BTBD7: variants seen among roughly 807,000 people sequenced by gnomAD.
BTBD7 encodes BTB domain containing 7.
BTBD7 carries 38 observed loss-of-function variants against 99.9 expected under a neutral mutation model. That is an observed-to-expected ratio of 0.38 (90% CI 0.29 to 0.50). BTBD7 has a LOEUF of 0.50. Among genes scored for constraint, BTBD7 ranks in the 20% least tolerant of loss-of-function variants. The probability of loss-of-function intolerance (pLI) is 0.93; values close to 1 mark genes in which losing one functional copy is unlikely to be tolerated. For synonymous variants in BTBD7, 520 were observed against 511.4 expected (o/e 1.02, Z -0.23); for missense variants, 1,170 against 1,394.6 (o/e 0.84, Z 2.57).
At chr14:93,325,010 T>C (rs963737643) in intron 1 of BTBD7, among the ~76,000 whole-genome samples, 2 of 151,786 alleles carry the variant, frequency 1.3e-5, no homozygotes, top group African/African-American at 2.4e-5. Flanking sequence ...ACAGGAGACC[T>C]AAGGTTGAAC....
intron 1 of BTBD7, among the ~76,000 whole-genome samples, chr14:93,314,063 T>C (rs1797838459): frequency 6.6e-6 from 1 of 152,166 alleles, no homozygotes; most frequent in Admixed American, 6.5e-5. Flanking sequence ...ATATTCTTAG[T>C]GTTCTTGTAG....
intron 3 of BTBD7, among the ~76,000 whole-genome samples, chr14:93,266,850 C>A: frequency 6.6e-6 from 1 of 152,166 alleles, no homozygotes; most frequent in South Asian, 2.1e-4. Flanking sequence ...ACATTTATAT[C>A]CACATATAGA....
chr14:93,255,615 C>A lies in BTBD7; in HGVS notation c.1608+1580G>T, dbSNP rs1428177819. 2.6e-5 allele frequency: 4 copies of A among 151,230 alleles called. No individual in the cohort carries two copies. In the East Asian group the frequency reaches 7.8e-4, roughly 29 times the overall value. 9.4% of individuals were successfully genotyped at this position (151,230 alleles called of 1,614,324 possible). On this transcript the variant is annotated intron_variant, in intron 6 of 10. Transcript: ENST00000334746. ...GGTTCAAGCAATTCTTGTGCCTCAG[C>A]CTCTCGAGCAGCTGGGATTAACGGC...
In BTBD7 at chr14:93,293,874, A is replaced by G. The variant is rs1180377425; in HGVS notation, c.1146T>C (p.Phe382=). 6.2e-7 allele frequency: 1 copy of G among 1,607,394 alleles called. No individual in the cohort carries two copies. The highest frequency in any genetic ancestry group is 1.3e-5 in the African/African-American group (1 of 74,550). ...ELYHIALFLE[F]NMLAQGCEDI... The stretch of plus-strand genomic sequence containing the variant: ...ACTTCATACCTTGTGCAAGCATGTT[A>G]AATTCCAAGAACAGTGCTATGTGGT... Residue 382 remains phenylalanine (F), a synonymous_variant, in exon 3 of 11, where the codon TTT becomes TTC. Transcript: ENST00000334746.
chr14:93,245,533 C>A (rs1302289214), intron 10 of BTBD7, among the ~76,000 whole-genome samples: 2 of 152,194 alleles, frequency 1.3e-5, no homozygotes, highest in African/African-American at 4.8e-5. Context: ...CTGGTATATT[C>A]CTTTATGTTG....
At chr14:93,313,633 G>C (rs1566862500) in intron 1 of BTBD7, among the ~76,000 whole-genome samples, 1 of 151,532 alleles carries the variant, frequency 6.6e-6, no homozygotes, top group Non-Finnish European at 1.5e-5. Flanking sequence ...TCTGAGTCTA[G>C]TGAAGAGGAA....
chr14:93,315,373 T>C (rs1295012959), intron 1 of BTBD7, among the ~76,000 whole-genome samples: 1 of 152,234 alleles, frequency 6.6e-6, no homozygotes, highest in Non-Finnish European at 1.5e-5. Context: ...ATGGATAAAT[T>C]TTCCAAATAA....
Position 93,296,014 on chromosome 14 carries a change from G to C in BTBD7, c.38C>G (p.Ser13Cys). Residue 13 changes from serine (S) to cysteine (C), a missense_variant, in exon 2 of 11, where the codon TCC becomes TGC. This residue lies in a region of BTBD7 where 359 missense variants were observed against 497.9 expected (regional missense o/e 0.72). Coordinates refer to ENST00000334746, the MANE Select transcript of BTBD7 (RefSeq NM_001002860.4). ...ANASNYPHSCSPRVGGNSQAQ... is the reference protein window; with the variant it reads ...ANASNYPHSCCPRVGGNSQAQ... ...CTGTGAATTTCCCCCTACCCTCGGGGAACATGAATGAGGATAATTAGATGC... is the reference window on the plus strand; with the variant it reads ...CTGTGAATTTCCCCCTACCCTCGGGCAACATGAATGAGGATAATTAGATGC... 6.2e-7 allele frequency: 1 copy of C among 1,614,020 alleles called. No individual in the cohort carries two copies. The highest frequency in any genetic ancestry group is 8.5e-7 in the Non-Finnish European group (1 of 1,179,958).
intron 1 of BTBD7, among the ~76,000 whole-genome samples, chr14:93,331,051 C>G (rs1357717185): frequency 6.6e-6 from 1 of 151,968 alleles, no homozygotes; most frequent in Non-Finnish European, 1.5e-5. Flanking sequence ...TAGTCATGAG[C>G]CTAAGAAAAC....
intron 1 of BTBD7, among the ~76,000 whole-genome samples, chr14:93,306,949 T>C (rs1237621264): frequency 1.3e-5 from 2 of 152,164 alleles, no homozygotes; most frequent in Admixed American, 6.5e-5. Flanking sequence ...ATAAAATATA[T>C]CCTTTGGGTT....
At chr14:93,282,231 G>A (rs2052728393) in intron 3 of BTBD7, among the ~76,000 whole-genome samples, 3 of 151,950 alleles carry the variant, frequency 2.0e-5, no homozygotes, top group Admixed American at 2.0e-4. Flanking sequence ...CTTAATTCTT[G>A]GAATAGTTTC....
chr14:93,280,274 A>G (rs1303769548), intron 3 of BTBD7, among the ~76,000 whole-genome samples: 1 of 152,246 alleles, frequency 6.6e-6, no homozygotes, highest in East Asian at 1.9e-4. Context: ...GGTAATGCCC[A>G]TGTACTTTCC....
chr14:93,300,163 T>C (rs1316629975), intron 1 of BTBD7, among the ~76,000 whole-genome samples: 2 of 152,050 alleles, frequency 1.3e-5, no homozygotes, highest in African/African-American at 2.4e-5. Flanking sequence ...ATCTGTAACA[T>C]AAGAACGTCG....
chr14:93,242,795 A>T lies in BTBD7; in HGVS notation c.2877T>A (p.Ala959=). Residue 959 remains alanine, a synonymous_variant, in exon 11 of 11, where the codon GCT becomes GCA. Coordinates refer to ENST00000334746, the MANE Select transcript of BTBD7 (RefSeq NM_001002860.4). ...SNAACRPSTP[A]LSRRTPSPSQ... is the part of the protein sequence containing the mutation. The stretch of plus-strand genomic sequence containing the variant: ...AAGGGGAAGGGGTGCGTCTGCTGAG[A>T]GCAGGAGTAGAAGGTCTGCAAGCAG... 1 of 1,614,200 alleles carries T rather than the reference A, an allele frequency of 6.2e-7. No individual in the cohort carries two copies. Among genetic ancestry groups the T allele is most frequent in the South Asian group, 1.1e-5 (1 of 91,088 alleles).
intron 1 of BTBD7, among the ~76,000 whole-genome samples, chr14:93,310,871 A>G (rs928907528): frequency 2.3e-5 from 3 of 128,326 alleles, no homozygotes; most frequent in Non-Finnish European, 4.6e-5. Flanking sequence ...CCTTTTTTTG[A>G]TATTAACAGT....
Position 93,332,938 on chromosome 14 carries a change from ACCG to A in BTBD7, c.-228_-226del, listed in dbSNP as rs146686071. The A allele has an allele frequency of 0.48, 349,261 of 725,698 alleles. 96,473 individuals carry two copies. Among genetic ancestry groups the A allele is most frequent in the African/African-American group, 0.88 (45,234 of 51,356 alleles). The allele number at this position is 725,698 out of a possible 1,614,324, so 45.0% of individuals were successfully genotyped here. ...CAGCACCCCCGGCCATCCTCCTCCC[ACCG>A]CCGCCGCCGCCGCCCTCTCCTCTCC... is the stretch of plus-strand genomic sequence containing the variant. On this transcript the variant is annotated 5_prime_UTR_variant, in exon 1 of 11. Coordinates refer to ENST00000334746, the MANE Select transcript of BTBD7 (RefSeq NM_001002860.4).
At chr14:93,264,048 C>T (rs950410855) in intron 3 of BTBD7, 55 bp from the exon 4 acceptor site, 3 of 1,478,936 alleles carry the variant, frequency 2.0e-6, no homozygotes, top group Non-Finnish European at 2.8e-6. Context: ...ACTTATTGAA[C>T]ATTAGTGTGC....
Position 93,243,063 on chromosome 14 carries a change from A to G in BTBD7, c.2609T>C (p.Leu870Pro). Residue 870 changes from leucine to proline, a missense_variant, in exon 11 of 11, where the codon CTG (leucine) becomes CCG (proline). Leu to Pro is a moderately conservative substitution (Grantham distance 98, BLOSUM62 -3). This residue lies in a region of BTBD7 where 495 missense variants were observed against 525.9 expected (regional missense o/e 0.94). Transcript: ENST00000334746. ...QVRTQPVLND[L>P]MPDIAVGVST... ...CACACCCACCGCGATGTCTGGCATC[A>G]GATCATTCAGCACAGGTTGTGTTCG... 6.2e-7 allele frequency: 1 copy of G among 1,614,078 alleles called. No homozygotes were observed. Among genetic ancestry groups the G allele is most frequent in the East Asian group, 2.2e-5 (1 of 44,886 alleles).
intron 3 of BTBD7, among the ~76,000 whole-genome samples, chr14:93,273,068 C>G (rs1050271153): frequency 5.3e-5 from 8 of 152,196 alleles, no homozygotes; most frequent in Non-Finnish European, 1.2e-4. Flanking sequence ...AAACAAGGTT[C>G]TTGAATGAGA....
Sources: gnomAD v4.1 joint callset for allele counts (sites outside exome capture counted in the v4.1 genomes callset) on GRCh38, gnomAD v4.1.1 for gene constraint, gnomAD v4.1.1 regional missense constraint, MANE v1.5 for transcripts, NCBI Gene and HGNC (gene_info 2026-07-23, HGNC 2026-07-21) for gene names.